The following TRPC6 variants were observed in gnomAD, a reference collection of about 807,000 sequenced individuals.
TRPC6 encodes short transient receptor potential channel 6.
A neutral mutation model predicts 90.7 loss-of-function variants in TRPC6; 55 were observed. That is an observed-to-expected ratio of 0.61 (90% CI 0.49 to 0.76). TRPC6 has a LOEUF of 0.76. Ranked by LOEUF, TRPC6 falls within the 30% of genes least tolerant of loss-of-function variation. The probability of loss-of-function intolerance (pLI) is 0.00; values close to 1 mark genes in which losing one functional copy is unlikely to be tolerated. For synonymous variants in TRPC6, 393 were observed against 393.0 expected (o/e 1.00, Z 0.00); for missense variants, 989 against 1,122.7 (o/e 0.88, Z 1.70).
At chr11:101,487,858 G>A (rs1859712474) in intron 4 of TRPC6, among the ~76,000 whole-genome samples, 1 of 152,112 alleles carries the variant, frequency 6.6e-6, no homozygotes, top group South Asian at 2.1e-4. Flanking sequence ...TAATTAGGAT[G>A]TTTCCACTGT....
intron 1 of TRPC6, among the ~76,000 whole-genome samples, chr11:101,505,542 T>A (rs575546741): frequency 7.8e-4 from 119 of 152,078 alleles, no homozygotes; most frequent in Non-Finnish European, 1.4e-3. Flanking sequence ...ATCGGCTAGA[T>A]GTTAGAGTAT....
chr11:101,499,275 TAGTG>T (rs1435382529), intron 2 of TRPC6, among the ~76,000 whole-genome samples: 1 of 152,032 alleles, frequency 6.6e-6, no homozygotes, highest in Non-Finnish European at 1.5e-5. Flanking sequence ...CAGAAAAGCT[TAGTG>T]AGAGTGATTC....
intron 1 of TRPC6, among the ~76,000 whole-genome samples, chr11:101,529,564 C>T (rs1220369150): frequency 6.6e-6 from 1 of 152,142 alleles, no homozygotes; most frequent in Non-Finnish European, 1.5e-5. Flanking sequence ...TAGAATAGAT[C>T]GTCCTACAGA....
chr11:101,532,681 T>G (rs539377290), intron 1 of TRPC6, among the ~76,000 whole-genome samples: 1 of 152,174 alleles, frequency 6.6e-6, no homozygotes, highest in African/African-American at 2.4e-5. Flanking sequence ...ATTGTTTTGC[T>G]GGTGAAATTC....
At chr11:101,473,104 A>T (rs1306881538) in intron 7 of TRPC6, among the ~76,000 whole-genome samples, 2 of 151,496 alleles carry the variant, frequency 1.3e-5, no homozygotes, top group Admixed American at 1.3e-4. Flanking sequence ...CATCCCCAGG[A>T]GTGAGTCCCC....
At chr11:101,464,774 G>T (rs1049339347) in intron 10 of TRPC6, among the ~76,000 whole-genome samples, 1 of 152,168 alleles carries the variant, frequency 6.6e-6, no homozygotes, top group Non-Finnish European at 1.5e-5. Flanking sequence ...TTTAATTGGG[G>T]CATTTAGCCT....
chr11:101,457,571 C>A (rs753971877), intron 10 of TRPC6, among the ~76,000 whole-genome samples: 6 of 152,106 alleles, frequency 3.9e-5, no homozygotes, highest in Non-Finnish European at 5.9e-5. Flanking sequence ...AAGGTATGGA[C>A]AATATATTCA....
chr11:101,557,581 G>C (rs953568579), intron 1 of TRPC6, among the ~76,000 whole-genome samples: 2 of 151,624 alleles, frequency 1.3e-5, no homozygotes, highest in Non-Finnish European at 1.5e-5. Context: ...TCTGCTTGTA[G>C]ATAATATAAT....
chr11:101,493,761 G>A (rs1001347162), intron 2 of TRPC6, among the ~76,000 whole-genome samples: 5 of 152,144 alleles, frequency 3.3e-5, no homozygotes, highest in Non-Finnish European at 7.3e-5. Flanking sequence ...AGGATGAAAA[G>A]ATTTCTTTGG....
Position 101,469,572 on chromosome 11 carries a change from G to C in TRPC6, c.2410-71C>G, listed in dbSNP as rs1439964592. Reference sequence around the variant, plus strand: ...TCACTCTTCATTCTGTATTTTAAAAGCCATTTCGTCTAATTCTCCAACAAG... The same window carrying C: ...TCACTCTTCATTCTGTATTTTAAAACCCATTTCGTCTAATTCTCCAACAAG... On this transcript the variant is annotated intron_variant, in intron 9 of 12. Coordinates refer to ENST00000344327, the MANE Select transcript of TRPC6 (RefSeq NM_004621.6). 4.4e-6 allele frequency: 3 copies of C among 675,696 alleles called. No individual in the cohort carries two copies. The East Asian group carries it at 8.1e-5, about 18-fold the overall frequency. 41.9% of individuals were successfully genotyped at this position (675,696 alleles called of 1,614,324 possible).
chr11:101,534,050 C>G (rs1860976592), intron 1 of TRPC6, among the ~76,000 whole-genome samples: 1 of 152,184 alleles, frequency 6.6e-6, no homozygotes, highest in African/African-American at 2.4e-5. Context: ...GCTCTGCCAT[C>G]AGGAAGTTGC....
chr11:101,528,933 C>T (rs1157093711), intron 1 of TRPC6, among the ~76,000 whole-genome samples: 3 of 152,036 alleles, frequency 2.0e-5, no homozygotes, highest in Non-Finnish European at 4.4e-5. Context: ...GCCATATATT[C>T]TGGAAAATTC....
chr11:101,556,081 GC>G (rs1406720142), intron 1 of TRPC6, among the ~76,000 whole-genome samples: 3 of 152,116 alleles, frequency 2.0e-5, no homozygotes, highest in African/African-American at 7.2e-5. Flanking sequence ...AGTTCTAAGA[GC>G]AAAGCTTATA....
intron 1 of TRPC6, among the ~76,000 whole-genome samples, chr11:101,556,840 A>G (rs753439464): frequency 3.9e-5 from 6 of 152,308 alleles, no homozygotes; most frequent in Non-Finnish European, 7.4e-5. Flanking sequence ...TCAACAGCAC[A>G]TTAAAAAGAT....
At chr11:101,479,057 A>T (rs879340357) in intron 5 of TRPC6, among the ~76,000 whole-genome samples, 3 of 152,094 alleles carry the variant, frequency 2.0e-5, no homozygotes, top group Non-Finnish European at 2.9e-5. Flanking sequence ...CTCAGATTCC[A>T]CTGGGTCTTA....
At chr11:101,572,527 T>A (rs907831355) in intron 1 of TRPC6, among the ~76,000 whole-genome samples, 1 of 152,230 alleles carries the variant, frequency 6.6e-6, no homozygotes, top group Admixed American at 6.5e-5. Flanking sequence ...CAAAGGATTA[T>A]AAATCATTCT....
Position 101,531,892 on chromosome 11 carries a change from C to G in TRPC6, c.171-27094G>C, listed in dbSNP as rs551207348. On this transcript the variant is annotated intron_variant, in intron 1 of 12. Coordinates refer to ENST00000344327, the MANE Select transcript of TRPC6 (RefSeq NM_004621.6). ...TTATTGTAGAACCGCCCTAAGCATTCTCTCCCTCTCCTATCTGCCTGTTTT... is the reference window on the plus strand; with the variant it reads ...TTATTGTAGAACCGCCCTAAGCATTGTCTCCCTCTCCTATCTGCCTGTTTT... Among the ~76,000 whole-genome samples, 3 of 152,282 alleles carry G rather than the reference C, an allele frequency of 2.0e-5. No individual in the cohort carries two copies. In the South Asian group the frequency reaches 6.2e-4, roughly 32 times the overall value.
chr11:101,462,244 G>A (rs937728559), intron 10 of TRPC6, among the ~76,000 whole-genome samples: 13 of 152,178 alleles, frequency 8.5e-5, no homozygotes, highest in African/African-American at 1.4e-4. Context: ...AGTCAGGAGC[G>A]TGATGCCTCC....
chr11:101,573,082 G>A (rs1232279181), intron 1 of TRPC6, among the ~76,000 whole-genome samples: 2 of 151,854 alleles, frequency 1.3e-5, no homozygotes, highest in Non-Finnish European at 2.9e-5. Flanking sequence ...AAAATGCTAA[G>A]ATGAAAACTT....
Sources: gnomAD v4.1 joint callset for allele counts (sites outside exome capture counted in the v4.1 genomes callset) on GRCh38, gnomAD v4.1.1 for gene constraint, MANE v1.5 for transcripts, NCBI Gene and HGNC (gene_info 2026-07-23, HGNC 2026-07-21) for gene names.